The following SPTB variants were observed in gnomAD, a reference collection of about 807,000 sequenced individuals.
SPTB encodes the protein spectrin beta chain, erythrocytic.
Under a neutral mutation model 256.2 loss-of-function variants are expected in SPTB, and 45 were observed. That is an observed-to-expected ratio of 0.18 (90% CI 0.14 to 0.23). SPTB has a LOEUF of 0.23. SPTB is among the 10% of genes least tolerant of loss of function. The pLI is 1.00. For synonymous variants in SPTB, 1,231 were observed against 1,243.1 expected, an observed-to-expected ratio of 0.99 and a Z score of 0.21; for missense variants, 2,715 against 3,040.4, an observed-to-expected ratio of 0.89 and a Z score of 2.52.
In SPTB at chr14:64,796,709, C is replaced by T; in HGVS notation, c.1189G>A (p.Glu397Lys). 1.2e-6 allele frequency: 2 copies of T among 1,614,216 alleles called. No individual in the cohort carries two copies. The highest frequency in any genetic ancestry group is 1.1e-5 in the South Asian group (1 of 91,088). The change falls in exon 11 of 36, where the codon GAA becomes AAA. Residue 397 changes from glutamate (E) to lysine (K), a missense_variant. Transcript: ENST00000644917. The surrounding 1 kb of genome is among the most constrained non-coding windows in gnomAD (Gnocchi z 4.1). ...KLVSDINRAW[E>K]SLEEAEYRRE... ...CGATACTCAGCTTCCTCCAGGCTTT[C>T]CCAGGCCTGCACAAAGGATGGAATG...
At position 64,776,995 on chromosome 14, in the gene SPTB, G is replaced by A. The variant is rs192797212; in HGVS notation, c.4564-1592C>T. Among the ~76,000 whole-genome samples, 11 of 152,298 alleles carry A rather than the reference G, an allele frequency of 7.2e-5. No homozygotes were observed. In the East Asian group the frequency reaches 2.1e-3, roughly 29 times the overall value. On this transcript the variant is annotated intron_variant, in intron 22 of 35. Coordinates refer to ENST00000644917, the MANE Select transcript of SPTB (RefSeq NM_001355436.2). Reference sequence around the variant, plus strand: ...CAAATAAATGAATAAACAAAGGCTGGGCCTTCCTCCCTGGGGGCTACGAGG... The same window carrying A: ...CAAATAAATGAATAAACAAAGGCTGAGCCTTCCTCCCTGGGGGCTACGAGG...
chr14:64,800,829 G>A lies in SPTB; in HGVS notation c.803C>T (p.Thr268Ile). ...GTAGTGGTAAAAGGCCACCACATAG[G>A]TGATGATGGATTTCTCATCAGGGTT... ...TENPDEKSII[T>I]YVVAFYHYFS... The change falls in exon 8 of 36, where the codon ACC becomes ATC. Residue 268 changes from threonine (T) to isoleucine (I), a missense_variant. Thr to Ile is a moderately conservative substitution (Grantham distance 89). Around this residue, in one of 4 missense-constraint regions of SPTB, gnomAD observed 416 missense variants for 571.1 expected, o/e 0.73. Coordinates refer to ENST00000644917, the MANE Select transcript of SPTB (RefSeq NM_001355436.2). The A allele has an allele frequency of 6.2e-7, 1 of 1,614,226 alleles. No homozygotes were observed. The highest frequency in any genetic ancestry group is 8.5e-7 in the Non-Finnish European group (1 of 1,180,042).
intron 1 of SPTB, among the ~76,000 whole-genome samples, chr14:64,854,386 C>G (rs1420132168): frequency 1.5e-5 from 2 of 133,222 alleles, no homozygotes; most frequent in Non-Finnish European, 3.1e-5. Flanking sequence ...TCATGCCATT[C>G]TCCTGCCTCA....
Position 64,824,046 on chromosome 14 carries a change from A to T in SPTB, c.-51-901T>A, listed in dbSNP as rs915521986. Reference sequence around the variant, plus strand: ...TAATTCAAATATGTACCAAGCTCCAACTAGGTGGCAGGCACTGTACTAGGC... The same window carrying T: ...TAATTCAAATATGTACCAAGCTCCATCTAGGTGGCAGGCACTGTACTAGGC... On this transcript the variant is annotated intron_variant, in intron 1 of 35. Coordinates refer to ENST00000644917, the MANE Select transcript of SPTB (RefSeq NM_001355436.2). The surrounding 1 kb of genome is among the most constrained non-coding windows in gnomAD (Gnocchi z 5.7). 4.6e-5 allele frequency among the ~76,000 whole-genome samples: 7 copies of T among 152,198 alleles called. No homozygotes were observed. Among genetic ancestry groups the T allele is most frequent in the African/African-American group, 1.4e-4 (6 of 41,438 alleles).
intron 29 of SPTB, 47 bp from the exon 30 acceptor site, chr14:64,767,906 G>A (rs201190781): frequency 1.9e-6 from 3 of 1,603,478 alleles, no homozygotes; most frequent in Non-Finnish European, 2.6e-6. Flanking sequence ...CCCAGGGCCT[G>A]TTAGCACCCA....
rs1193183760 is a variant in SPTB at position 64,786,179 on chromosome 14, C to T, written c.3561+225G>A. 6.6e-6 allele frequency among the ~76,000 whole-genome samples: 1 copy of T among 152,148 alleles called. No homozygotes were observed. Among genetic ancestry groups the T allele is most frequent in the Non-Finnish European group, 1.5e-5 (1 of 68,036 alleles). On this transcript the variant is annotated intron_variant, in intron 16 of 35. Coordinates refer to ENST00000644917, the MANE Select transcript of SPTB (RefSeq NM_001355436.2). The surrounding 1 kb of genome is among the most constrained non-coding windows in gnomAD (Gnocchi z 5.6). ...CACATGGAAGGCTAACCACCCAGGG[C>T]AAAATGCGCTTCTCTAGCCTCTGAT...
chr14:64,775,513 C>G lies in SPTB; in HGVS notation c.4564-110G>C, dbSNP rs936132397. Reference sequence around the variant, plus strand: ...CCCTTGGTCCCTCTCACCCCCGTTGCTAGAGCAGAGCAGGTGATGGCGATA... The same window carrying G: ...CCCTTGGTCCCTCTCACCCCCGTTGGTAGAGCAGAGCAGGTGATGGCGATA... On this transcript the variant is annotated intron_variant, in intron 22 of 35. Transcript: ENST00000644917. The surrounding 1 kb of genome is among the most constrained non-coding windows in gnomAD (Gnocchi z 5.0). 17 of 1,400,462 alleles carry G rather than the reference C, an allele frequency of 1.2e-5. No homozygotes were observed. The highest frequency in any genetic ancestry group is 4.8e-4 in the Middle Eastern group (2 of 4,166). The allele number at this position is 1,400,462 out of a possible 1,614,324, so 86.8% of individuals were successfully genotyped here. A position where few individuals can be genotyped will look rare whatever the true frequency, so the allele number is the denominator to read the frequency against.
At chr14:64,878,760 G>T (rs1197462437) in intron 1 of SPTB, among the ~76,000 whole-genome samples, 1 of 151,996 alleles carries the variant, frequency 6.6e-6, no homozygotes, top group Non-Finnish European at 1.5e-5. Flanking sequence ...AGTACAAAAA[G>T]GCTGTCACTA....
At position 64,802,132 on chromosome 14, in the gene SPTB, G is replaced by C; in HGVS notation, c.566+94C>G. The C allele has an allele frequency of 8.4e-7, 1 of 1,197,166 alleles. No individual in the cohort carries two copies. Among genetic ancestry groups the C allele is most frequent in the Non-Finnish European group, 1.2e-6 (1 of 810,254 alleles). 74.2% of individuals were successfully genotyped at this position (1,197,166 alleles called of 1,614,324 possible). A position where few individuals can be genotyped will look rare whatever the true frequency, so the allele number is the denominator to read the frequency against. On this transcript the variant is annotated intron_variant, in intron 5 of 35. Transcript: ENST00000644917. The surrounding 1 kb of genome is among the most constrained non-coding windows in gnomAD (Gnocchi z 5.1). ...TACAGGGAGGCAGCTGTAGTTCTGGGTGATGATGTCTAATGTCCCTCTGGA... is the reference window on the plus strand; with the variant it reads ...TACAGGGAGGCAGCTGTAGTTCTGGCTGATGATGTCTAATGTCCCTCTGGA...
chr14:64,797,500 A>T (rs1052775243), intron 10 of SPTB, among the ~76,000 whole-genome samples: 2 of 123,980 alleles, frequency 1.6e-5, no homozygotes. Flanking sequence ...AAAAAAAAAA[A>T]AAGGACTCAG....
intron 1 of SPTB, among the ~76,000 whole-genome samples, chr14:64,872,318 T>G (rs1186089323): frequency 6.6e-6 from 1 of 152,180 alleles, no homozygotes; most frequent in Non-Finnish European, 1.5e-5. Context: ...CAACTGCATC[T>G]CACCAGGACT....
intron 23 of SPTB, 86 bp from the exon 24 acceptor site, chr14:64,774,613 C>T (rs2082330147): frequency 6.5e-7 from 1 of 1,541,280 alleles, no homozygotes; most frequent in Non-Finnish European, 8.8e-7. Flanking sequence ...CCTGGAGGTG[C>T]CCGAGGGAGG....
chr14:64,766,262 A>T (rs948667626), intron 32 of SPTB: 1 of 446,842 alleles, frequency 2.2e-6, no homozygotes, highest in Non-Finnish European at 3.3e-6. Flanking sequence ...GTGGGTGTGT[A>T]TTTGTGTGTG....
chr14:64,801,686 G>A, intron 6 of SPTB, 68 bp downstream of exon 6: 1 of 1,464,938 alleles, frequency 6.8e-7, no homozygotes, highest in Non-Finnish European at 9.6e-7. Flanking sequence ...CATGTTAAGT[G>A]CAATGTGTCC....
At chr14:64,837,747 T>C (rs2936614) in intron 1 of SPTB, among the ~76,000 whole-genome samples, 67,956 of 151,946 alleles carry the variant, frequency 0.45, 19,648 homozygotes, top group African/African-American at 0.83. Flanking sequence ...ATTACAGGTG[T>C]CTGTCACCAC....
chr14:64,820,212 T>C (rs2083263858), intron 2 of SPTB, among the ~76,000 whole-genome samples: 1 of 152,152 alleles, frequency 6.6e-6, no homozygotes, highest in South Asian at 2.1e-4. Flanking sequence ...TTCTCCCTAA[T>C]GTTTCTTTTG....
intron 28 of SPTB, 41 bp from the exon 29 acceptor site, chr14:64,769,159 C>G: frequency 6.3e-7 from 1 of 1,582,152 alleles, no homozygotes; most frequent in Non-Finnish European, 8.7e-7. Flanking sequence ...CTTGGCTCAC[C>G]CTTCACCATC....
rs928782848 is a variant in SPTB at position 64,853,720 on chromosome 14, A to G, written c.-52+26072T>C. On this transcript the variant is annotated intron_variant, in intron 1 of 35. Coordinates refer to ENST00000644917, the MANE Select transcript of SPTB (RefSeq NM_001355436.2). This position sits in a 1 kb window ranked among gnomAD's most constrained non-coding sequence, Gnocchi z 4.3. Reference sequence around the variant, plus strand: ...AGACCTGAACTTATCTATAGGCAAGAGTGAAACAGCAAGAGAGAGGGAAGG... The same window carrying G: ...AGACCTGAACTTATCTATAGGCAAGGGTGAAACAGCAAGAGAGAGGGAAGG... 6.6e-6 allele frequency among the ~76,000 whole-genome samples: 1 copy of G among 152,184 alleles called. No homozygotes were observed. The highest frequency in any genetic ancestry group is 2.4e-5 in the African/African-American group (1 of 41,440).
intron 27 of SPTB, 95 bp from the exon 28 acceptor site, chr14:64,769,823 G>A: frequency 6.4e-7 from 1 of 1,568,724 alleles, no homozygotes; most frequent in Non-Finnish European, 8.8e-7. Context: ...CCCTGCCTGT[G>A]GGAGTGTGAC....
Sources: gnomAD v4.1 joint callset for allele counts (sites outside exome capture counted in the v4.1 genomes callset) on GRCh38, gnomAD v4.1.1 for gene constraint, gnomAD v4.1.1 regional missense constraint, Gnocchi (gnomAD v3.1) non-coding constraint, MANE v1.5 for transcripts, NCBI Gene and HGNC (gene_info 2026-07-23, HGNC 2026-07-21) for gene names.